Variants in DNAH8 observed in about 807,000 individuals in gnomAD.
DNAH8 encodes the protein axonemal beta dynein heavy chain 8.
Under a neutral mutation model 562.1 loss-of-function variants are expected in DNAH8, and 382 were observed. That is an observed-to-expected ratio of 0.68 (90% CI 0.63 to 0.74). The LOEUF (loss-of-function observed/expected upper bound fraction) is 0.74. Among genes scored for constraint, DNAH8 ranks in the 30% least tolerant of loss-of-function variants. The pLI, the probability that DNAH8 is intolerant of heterozygous loss-of-function variation, is 0.00. For missense variants in DNAH8, 5,203 were observed against 5,620.4 expected, an observed-to-expected ratio of 0.93 and a Z score of 2.37; for synonymous variants, 1,881 against 1,919.4, an observed-to-expected ratio of 0.98 and a Z score of 0.52.
chr6:38,933,995 A>T (rs958707744), intron 76 of DNAH8, among the ~76,000 whole-genome samples: 4 of 152,224 alleles, frequency 2.6e-5, no homozygotes, highest in Admixed American at 2.6e-4. Context: ...AAGCTTATGT[A>T]TCTGTTTTCT....
chr6:38,975,554 C>G (rs1006116595), intron 85 of DNAH8, among the ~76,000 whole-genome samples: 1 of 152,154 alleles, frequency 6.6e-6, no homozygotes, highest in Non-Finnish European at 1.5e-5. Context: ...TTATCCCTAC[C>G]ACTTTACTAG....
At chr6:38,894,631 T>C (rs1779553016) in intron 58 of DNAH8, 70 bp from the exon 59 acceptor site, 2 of 1,220,610 alleles carry the variant, frequency 1.6e-6, no homozygotes, top group African/African-American at 1.5e-5. Context: ...TGTGAGACAG[T>C]TGTAAAAGTA....
At chr6:38,806,733 A>T (rs1264427405) in intron 23 of DNAH8, among the ~76,000 whole-genome samples, 1 of 151,988 alleles carries the variant, frequency 6.6e-6, no homozygotes, top group Non-Finnish European at 1.5e-5. Flanking sequence ...GTGAGCCGAG[A>T]TCGCGCCACT....
intron 4 of DNAH8, among the ~76,000 whole-genome samples, chr6:38,732,715 T>C (rs1278501405): frequency 1.3e-5 from 2 of 152,160 alleles, no homozygotes; most frequent in Non-Finnish European, 2.9e-5. Flanking sequence ...ATTCAAGGTT[T>C]ATATTCTTGT....
intron 88 of DNAH8, 70 bp downstream of exon 88, chr6:38,990,242 A>T: frequency 9.8e-7 from 1 of 1,020,560 alleles, no homozygotes; most frequent in East Asian, 2.5e-5. Flanking sequence ...GGTGCATTTC[A>T]TTTTCTCTCC....
intron 76 of DNAH8, among the ~76,000 whole-genome samples, chr6:38,935,102 G>A (rs1309877205): frequency 6.6e-6 from 1 of 152,168 alleles, no homozygotes; most frequent in Admixed American, 6.5e-5. Context: ...ATTGGCAATC[G>A]GCTGTGCCAA....
At position 38,857,505 on chromosome 6, in the gene DNAH8, G is replaced by T. The variant is rs779630203; in HGVS notation, c.5734-13G>T. ...ATTTGGCAAATTTTAATATTTTTCTGCTGGATCTGTAGGTTGGACTTCTGG... is the reference window on the plus strand; with the variant it reads ...ATTTGGCAAATTTTAATATTTTTCTTCTGGATCTGTAGGTTGGACTTCTGG... On this transcript the variant is annotated splice_polypyrimidine_tract_variant and intron_variant, in intron 41 of 92. Coordinates refer to ENST00000327475, the MANE Select transcript of DNAH8 (RefSeq NM_001206927.2). 3.4e-5 allele frequency: 54 copies of T among 1,568,854 alleles called. No individual in the cohort carries two copies. In the Middle Eastern group the frequency reaches 5.1e-4, roughly 15 times the overall value.
intron 21 of DNAH8, 43 bp downstream of exon 21, chr6:38,791,717 C>T (rs760272793): frequency 6.3e-7 from 1 of 1,589,392 alleles, no homozygotes; most frequent in Non-Finnish European, 8.5e-7. Flanking sequence ...AAATATTGGC[C>T]TATAAACCTA....
chr6:38,858,667 A>G (rs1776381046), intron 42 of DNAH8, among the ~76,000 whole-genome samples: 1 of 152,204 alleles, frequency 6.6e-6, no homozygotes, highest in African/African-American at 2.4e-5. Context: ...GGAGATTCAT[A>G]TGCATATTGA....
intron 1 of DNAH8, among the ~76,000 whole-genome samples, chr6:38,718,654 A>T (rs936866376): frequency 6.6e-6 from 1 of 152,202 alleles, no homozygotes. Flanking sequence ...TCTGAGTCAC[A>T]ATAGGGATTA....
At chr6:38,930,655 T>C (rs1187612591) in intron 75 of DNAH8, among the ~76,000 whole-genome samples, 1 of 152,146 alleles carries the variant, frequency 6.6e-6, no homozygotes, top group Non-Finnish European at 1.5e-5. Context: ...AAGAACAAAA[T>C]TTTGGTGACT....
intron 81 of DNAH8, among the ~76,000 whole-genome samples, chr6:38,950,231 G>A: frequency 6.8e-6 from 1 of 147,740 alleles, no homozygotes; most frequent in East Asian, 2.0e-4. Flanking sequence ...TTTGTATGGT[G>A]GATGGGTAAG....
intron 28 of DNAH8, among the ~76,000 whole-genome samples, chr6:38,824,044 T>C (rs1484487927): frequency 6.6e-6 from 1 of 152,204 alleles, no homozygotes; most frequent in Non-Finnish European, 1.5e-5. Flanking sequence ...TTTAGGTTAC[T>C]GTAAGGAGGG....
At chr6:38,770,388 C>T (rs1360890334) in intron 11 of DNAH8, 25 bp from the exon 12 acceptor site, 3 of 1,478,038 alleles carry the variant, frequency 2.0e-6, no homozygotes. Context: ...CTTTCTTTTC[C>T]CTATTTCTTT....
chr6:38,915,384 A>T lies in DNAH8; in HGVS notation c.10140+7A>T. The T allele has an allele frequency of 6.4e-7, 1 of 1,560,460 alleles. No individual in the cohort carries two copies. Among genetic ancestry groups the T allele is most frequent in the Non-Finnish European group, 8.6e-7 (1 of 1,160,036 alleles). ...AGCAGAAGCAGCCCTGAATGTGAGC[A>T]GTGCATTGTTACCCCTTCCAACACA... On this transcript the variant is annotated splice_region_variant and intron_variant, in intron 68 of 92. Coordinates refer to ENST00000327475, the MANE Select transcript of DNAH8 (RefSeq NM_001206927.2).
intron 87 of DNAH8, among the ~76,000 whole-genome samples, chr6:38,985,662 C>T (rs1156488131): frequency 6.6e-6 from 1 of 152,194 alleles, no homozygotes; most frequent in Non-Finnish European, 1.5e-5. Flanking sequence ...AGACATATCT[C>T]AGAACATTTC....
chr6:38,913,035 A>G (rs1781020110), intron 66 of DNAH8, among the ~76,000 whole-genome samples: 1 of 152,134 alleles, frequency 6.6e-6, no homozygotes, highest in African/African-American at 2.4e-5. Flanking sequence ...TTTCGAACTG[A>G]CCTCAGGTGA....
In DNAH8 at chr6:38,982,441, T is replaced by A; in HGVS notation, c.12930T>A (p.Leu4310=). The A allele has an allele frequency of 6.4e-7, 1 of 1,558,160 alleles. No homozygotes were observed. The highest frequency in any genetic ancestry group is 8.9e-7 in the Non-Finnish European group (1 of 1,129,458). ...SASVQFIQNH[L]DECDIKKGVS... ...GTGTTCAGTTTATTCAGAATCACCT[T>A]GATGAATGCGATATTAAGAAAGTGA... Residue 4310 remains leucine, a synonymous_variant, in exon 86 of 93, where the codon CTT becomes CTA. Coordinates refer to ENST00000327475, the MANE Select transcript of DNAH8 (RefSeq NM_001206927.2).
intron 10 of DNAH8, among the ~76,000 whole-genome samples, chr6:38,756,524 CT>C (rs202077185): frequency 0.028 from 4,192 of 151,852 alleles, 206 homozygotes; most frequent in African/African-American, 0.096. Context: ...CAATGTCATT[CT>C]TTTTTTTATT....
Sources: allele counts gnomAD v4.1 joint callset (sites outside exome capture counted in the v4.1 genomes callset), GRCh38; gene constraint gnomAD v4.1.1; transcripts MANE v1.5; gene names NCBI Gene and HGNC (gene_info 2026-07-23, HGNC 2026-07-21).